ZBTB44: variants seen among roughly 807,000 people sequenced by gnomAD.
ZBTB44 encodes the protein zinc finger and BTB domain containing 44.
Under a neutral mutation model 54.0 loss-of-function variants are expected in ZBTB44, and 15 were observed. The ratio of observed to expected loss-of-function variants is 0.28; its 90% confidence interval spans 0.19 to 0.43. ZBTB44 has a LOEUF of 0.43. ZBTB44 is among the 20% of genes least tolerant of loss of function. The pLI, the probability that ZBTB44 is intolerant of heterozygous loss-of-function variation, is 1.00. For missense variants in ZBTB44, 487 were observed against 707.1 expected (o/e 0.69, Z 3.53); for synonymous variants, 230 against 250.1 (o/e 0.92, Z 0.76).
chr11:130,249,762 C>T (rs373180612), intron 2 of ZBTB44, among the ~76,000 whole-genome samples: 87 of 152,296 alleles, frequency 5.7e-4, no homozygotes, highest in African/African-American at 1.7e-3. Flanking sequence ...TTTTGCAATC[C>T]GCAGACCAGG....
In ZBTB44 at chr11:130,261,709, G is replaced by A. The variant is rs754721789; in HGVS notation, c.165C>T (p.Phe55=). 1.2e-6 allele frequency: 2 copies of A among 1,614,024 alleles called. No homozygotes were observed. Among genetic ancestry groups the A allele is most frequent in the Admixed American group, 3.3e-5 (2 of 60,026 alleles). Reference sequence around the variant, plus strand: ...CTTGGCCTACAAGTTTGGTGCGAAAGAAATCACTGCAAGCTGCTAGTACCA... The same window carrying A: ...CTTGGCCTACAAGTTTGGTGCGAAAAAAATCACTGCAAGCTGCTAGTACCA... ...HKVVLAACSD[F]FRTKLVGQAE... The change falls in exon 2 of 8, where the codon TTC becomes TTT. Residue 55 remains phenylalanine, a synonymous_variant. Transcript: ENST00000357899. This position sits in a 1 kb window ranked among gnomAD's most constrained non-coding sequence, Gnocchi z 4.8.
intron 1 of ZBTB44, among the ~76,000 whole-genome samples, chr11:130,271,958 C>T (rs996751223): frequency 1.3e-5 from 2 of 152,058 alleles, no homozygotes; most frequent in Non-Finnish European, 2.9e-5. Flanking sequence ...AGGCTGGATG[C>T]GGTGGTTCAC....
In ZBTB44 at chr11:130,314,366, C is replaced by T. The variant is rs1040581028; in HGVS notation, c.-57+9G>A. On this transcript the variant is annotated intron_variant, in intron 1 of 7. Transcript: ENST00000357899. ...GCGCGACCGGAGCCCGCCCTCCCCTCCCCGTTACCTGCGGGCGGCGGCGCC... is the reference window on the plus strand; with the variant it reads ...GCGCGACCGGAGCCCGCCCTCCCCTTCCCGTTACCTGCGGGCGGCGGCGCC... 3 of 153,148 alleles carry T rather than the reference C, an allele frequency of 2.0e-5. No individual in the cohort carries two copies. The highest frequency in any genetic ancestry group is 7.2e-5 in the African/African-American group (3 of 41,450). 9.5% of individuals were successfully genotyped at this position (153,148 alleles called of 1,614,324 possible). A position where few individuals can be genotyped will look rare whatever the true frequency, so the allele number is the denominator to read the frequency against.
Position 130,229,165 on chromosome 11 carries a change from T to G in ZBTB44, c.*2599A>C, listed in dbSNP as rs1403697298. On this transcript the variant is annotated 3_prime_UTR_variant, in exon 8 of 8. Coordinates refer to ENST00000357899, the MANE Select transcript of ZBTB44 (RefSeq NM_001301098.2). ...GAGATACCAATAACATCTGAAATCT[T>G]TGCAGAGACTATTTATAAAAACATG... is the stretch of plus-strand genomic sequence containing the variant. 1.3e-5 allele frequency: 2 copies of G among 152,176 alleles called. No homozygotes were observed. Among genetic ancestry groups the G allele is most frequent in the African/African-American group, 4.8e-5 (2 of 41,450 alleles). 9.4% of individuals were successfully genotyped at this position (152,176 alleles called of 1,614,324 possible).
At chr11:130,284,747 T>A (rs760449862) in intron 1 of ZBTB44, among the ~76,000 whole-genome samples, 2 of 152,006 alleles carry the variant, frequency 1.3e-5, no homozygotes, top group Non-Finnish European at 2.9e-5. Context: ...GTGCCTGTAA[T>A]CCCAGCTACT....
At chr11:130,257,234 A>G (rs900954918) in intron 2 of ZBTB44, among the ~76,000 whole-genome samples, 5 of 146,522 alleles carry the variant, frequency 3.4e-5, no homozygotes, top group African/African-American at 1.3e-4. Flanking sequence ...TGCATCCCAG[A>G]TCTTAAAAAA....
intron 1 of ZBTB44, among the ~76,000 whole-genome samples, chr11:130,306,500 T>C (rs1310605449): frequency 6.9e-6 from 1 of 144,288 alleles, no homozygotes; most frequent in Non-Finnish European, 1.5e-5. Flanking sequence ...TAAACTCCAC[T>C]CAAAAAAAAA....
intron 1 of ZBTB44, among the ~76,000 whole-genome samples, chr11:130,303,070 G>A (rs1395127740): frequency 1.3e-5 from 2 of 152,156 alleles, no homozygotes; most frequent in Non-Finnish European, 1.5e-5. Context: ...CAAAGAGCAC[G>A]ATTATTTAAT....
At chr11:130,249,072 C>A (rs1273185069) in intron 2 of ZBTB44, among the ~76,000 whole-genome samples, 1 of 152,130 alleles carries the variant, frequency 6.6e-6, no homozygotes, top group Non-Finnish European at 1.5e-5. Context: ...CTACTGCATT[C>A]CAGCCTGGGT....
intron 1 of ZBTB44, among the ~76,000 whole-genome samples, chr11:130,300,069 T>C (rs1050652927): frequency 4.6e-5 from 7 of 152,136 alleles, no homozygotes; most frequent in African/African-American, 1.7e-4. Context: ...AAGGAACAAA[T>C]ACCATATGAT....
intron 2 of ZBTB44, among the ~76,000 whole-genome samples, chr11:130,250,142 G>A (rs1485644747): frequency 6.6e-6 from 1 of 152,184 alleles, no homozygotes; most frequent in Non-Finnish European, 1.5e-5. Context: ...GCGCTAAAAA[G>A]GCCTGGAAGT....
At chr11:130,238,795 T>C in intron 3 of ZBTB44, 188 bp from the exon 4 acceptor site, 1 of 601,196 alleles carries the variant, frequency 1.7e-6, no homozygotes, top group South Asian at 3.0e-5. Flanking sequence ...TGCCTTTTGT[T>C]TTTTTTTTTT....
At chr11:130,233,809 A>G in intron 6 of ZBTB44, 1 of 1,169,800 alleles carries the variant, frequency 8.5e-7, no homozygotes, top group East Asian at 5.7e-5. Context: ...TACAGAAGCA[A>G]TCTCTCAGTT....
chr11:130,245,993 A>T (rs1954627174), intron 2 of ZBTB44, among the ~76,000 whole-genome samples: 1 of 152,230 alleles, frequency 6.6e-6, no homozygotes, highest in African/African-American at 2.4e-5. Context: ...GTGAGCATGC[A>T]AAGCAAAGCA....
At chr11:130,276,524 T>G (rs1940117060) in intron 1 of ZBTB44, among the ~76,000 whole-genome samples, 1 of 150,896 alleles carries the variant, frequency 6.6e-6, no homozygotes, top group African/African-American at 2.5e-5. Context: ...AACCTCCACC[T>G]CCTGGGTTCA....
At chr11:130,292,021 G>C (rs1459164945) in intron 1 of ZBTB44, among the ~76,000 whole-genome samples, 1 of 152,154 alleles carries the variant, frequency 6.6e-6, no homozygotes, top group Non-Finnish European at 1.5e-5. Flanking sequence ...GGATTATATA[G>C]TATGTACTCT....
At chr11:130,296,045 ATGAAGC>A (rs1344434972) in intron 1 of ZBTB44, 1 of 1,583,322 alleles carries the variant, frequency 6.3e-7, no homozygotes, top group East Asian at 2.2e-5. Context: ...CTGGTTATTG[ATGAAGC>A]TGATCGTATC....
chr11:130,286,436 T>C (rs1940968790), intron 1 of ZBTB44, among the ~76,000 whole-genome samples: 2 of 152,200 alleles, frequency 1.3e-5, no homozygotes, highest in African/African-American at 4.8e-5. Flanking sequence ...TCCCCATAAA[T>C]TATATCTCAC....
At position 130,291,974 on chromosome 11, in the gene ZBTB44, C is replaced by A. The variant is rs1227664508; in HGVS notation, c.-57+22401G>T. On this transcript the variant is annotated intron_variant, in intron 1 of 7. Coordinates refer to ENST00000357899, the MANE Select transcript of ZBTB44 (RefSeq NM_001301098.2). ...CCAGGAATTATCAATGTGCTTTACA[C>A]TTTAGTAGCTCCATTTTCTAGAATT... is the stretch of plus-strand genomic sequence containing the variant. 2.0e-5 allele frequency among the ~76,000 whole-genome samples: 3 copies of A among 152,198 alleles called. No homozygotes were observed. In the East Asian group the frequency reaches 5.8e-4, roughly 29 times the overall value.
Sources: gnomAD v4.1 joint callset for allele counts (sites outside exome capture counted in the v4.1 genomes callset) on GRCh38, gnomAD v4.1.1 for gene constraint, Gnocchi (gnomAD v3.1) non-coding constraint, MANE v1.5 for transcripts, NCBI Gene and HGNC (gene_info 2026-07-23, HGNC 2026-07-21) for gene names.